The following C8orf34 variants were observed in gnomAD, a reference collection of about 807,000 sequenced individuals.
The protein encoded by C8orf34 is chromosome 8 open reading frame 34, also known as uncharacterized protein C8orf34.
A neutral mutation model predicts 68.3 loss-of-function variants in C8orf34; 65 were observed. That is an observed-to-expected ratio of 0.95 (90% CI 0.78 to 1.17). C8orf34 has a LOEUF of 1.17. C8orf34 is among the 50% of genes most tolerant of loss of function. The probability of loss-of-function intolerance (pLI) is 0.00; values close to 1 mark genes in which losing one functional copy is unlikely to be tolerated. For missense variants in C8orf34, 664 were observed against 655.4 expected (o/e 1.01, Z -0.14); for synonymous variants, 244 against 241.2 (o/e 1.01, Z -0.11).
chr8:68,480,140 T>G (rs943369250), intron 4 of C8orf34, among the ~76,000 whole-genome samples: 1 of 152,144 alleles, frequency 6.6e-6, no homozygotes, highest in Admixed American at 6.5e-5. Context: ...TTCCCACATG[T>G]TGTGGGAGGG....
chr8:68,526,933 G>A (rs192183514), intron 6 of C8orf34, among the ~76,000 whole-genome samples: 70 of 152,272 alleles, frequency 4.6e-4, no homozygotes, highest in Non-Finnish European at 7.5e-4. Context: ...GGCTCAGGAG[G>A]CTCCACCTGC....
intron 8 of C8orf34, chr8:68,695,869 C>G (rs1820817458): frequency 6.6e-6 from 1 of 152,074 alleles, no homozygotes; most frequent in African/African-American, 2.4e-5. Flanking sequence ...ATTCATTAAT[C>G]TATCATGTGT....
intron 7 of C8orf34, among the ~76,000 whole-genome samples, chr8:68,551,031 G>A (rs1816052280): frequency 6.6e-6 from 1 of 151,506 alleles, no homozygotes; most frequent in Admixed American, 6.6e-5. Context: ...TGAGCTTCTT[G>A]GATCTGTGGC....
intron 6 of C8orf34, 32 bp from the exon 7 acceptor site, chr8:68,532,951 C>G (rs369885370): frequency 4.1e-6 from 6 of 1,464,520 alleles, no homozygotes; most frequent in Non-Finnish European, 4.7e-6. Context: ...CTTTACTTAT[C>G]ACAGCTAATT....
intron 10 of C8orf34, among the ~76,000 whole-genome samples, chr8:68,768,388 A>T (rs1823242331): frequency 6.6e-6 from 1 of 152,200 alleles, no homozygotes; most frequent in Non-Finnish European, 1.5e-5. Flanking sequence ...TCTGGTCCCC[A>T]GGGCTGCTCA....
At chr8:68,464,935 C>A (rs553013852) in intron 3 of C8orf34, among the ~76,000 whole-genome samples, 101 of 151,688 alleles carry the variant, frequency 6.7e-4, no homozygotes, top group South Asian at 2.1e-3. Flanking sequence ...GCAACAAAAG[C>A]CAAAATTGAC....
intron 1 of C8orf34, among the ~76,000 whole-genome samples, chr8:68,356,299 G>A (rs1806744942): frequency 6.6e-6 from 1 of 152,044 alleles, no homozygotes; most frequent in Non-Finnish European, 1.5e-5. Context: ...CAGCTATTAA[G>A]TTCTTTGGTG....
chr8:68,534,014 A>G (rs1815360240), intron 7 of C8orf34: 1 of 960,534 alleles, frequency 1.0e-6, no homozygotes, highest in South Asian at 4.8e-5. Flanking sequence ...TACATATAGA[A>G]TATGGAATCT....
At chr8:68,704,772 A>T (rs1821116931) in intron 8 of C8orf34, among the ~76,000 whole-genome samples, 1 of 152,138 alleles carries the variant, frequency 6.6e-6, no homozygotes, top group South Asian at 2.1e-4. Flanking sequence ...AGAGGTCTTG[A>T]CATTATACTC....
intron 1 of C8orf34, among the ~76,000 whole-genome samples, chr8:68,423,888 A>G (rs1810093163): frequency 6.6e-6 from 1 of 152,192 alleles, no homozygotes; most frequent in Admixed American, 6.5e-5. Context: ...GCAATGCCAG[A>G]TGCTTTTAAA....
At chr8:68,461,304 T>A (rs2129628949) in intron 3 of C8orf34, among the ~76,000 whole-genome samples, 1 of 152,200 alleles carries the variant, frequency 6.6e-6, no homozygotes, top group South Asian at 2.1e-4. Flanking sequence ...AAAGACCAAA[T>A]CTACATCTGA....
In C8orf34 at chr8:68,331,286, C is replaced by G; in HGVS notation, c.274C>G (p.Gln92Glu). 6.5e-7 allele frequency: 1 copy of G among 1,536,502 alleles called. No individual in the cohort carries two copies. Among genetic ancestry groups the G allele is most frequent in the South Asian group, 1.2e-5 (1 of 84,066 alleles). ...SHLFPMASHP[Q>E]TRIQAYLEKN... ...TCTGTTCCCCATGGCGTCTCATCCG[C>G]AAACCCGGATCCAGGCTTACCTGGA... is the stretch of plus-strand genomic sequence containing the variant. Residue 92 changes from glutamine (Q) to glutamate (E), a missense_variant, in exon 1 of 14, where the codon CAA becomes GAA. Coordinates refer to ENST00000518698, the MANE Select transcript of C8orf34 (RefSeq NM_052958.4).
intron 7 of C8orf34, among the ~76,000 whole-genome samples, chr8:68,545,877 A>G (rs1436976025): frequency 2.0e-5 from 3 of 152,156 alleles, no homozygotes; most frequent in Non-Finnish European, 2.9e-5. Flanking sequence ...AAAAATACAA[A>G]CAATGTAGTA....
chr8:68,523,421 A>G (rs1814842060), intron 6 of C8orf34, among the ~76,000 whole-genome samples: 1 of 152,186 alleles, frequency 6.6e-6, no homozygotes, highest in Admixed American at 6.5e-5. Context: ...TCAATAAGGG[A>G]GAACCTCTTC....
intron 11 of C8orf34, among the ~76,000 whole-genome samples, chr8:68,779,114 C>G (rs548803103): frequency 1.5e-4 from 23 of 151,496 alleles, no homozygotes; most frequent in African/African-American, 5.6e-4. Context: ...GAGTTTGAGT[C>G]TGCATTGAGC....
intron 4 of C8orf34, among the ~76,000 whole-genome samples, chr8:68,471,029 G>C (rs1812357593): frequency 6.6e-6 from 1 of 152,012 alleles, no homozygotes; most frequent in Non-Finnish European, 1.5e-5. Flanking sequence ...GACAGACCTT[G>C]GTCATCAGAG....
intron 5 of C8orf34, among the ~76,000 whole-genome samples, chr8:68,512,418 A>T (rs1247052448): frequency 6.6e-6 from 1 of 152,192 alleles, no homozygotes; most frequent in Non-Finnish European, 1.5e-5. Context: ...CCTTTGAACC[A>T]TTCAAAAAGC....
intron 10 of C8orf34, among the ~76,000 whole-genome samples, chr8:68,750,665 T>A (rs543985074): frequency 1.3e-5 from 2 of 152,266 alleles, no homozygotes; most frequent in African/African-American, 4.8e-5. Flanking sequence ...AAACAGAAAG[T>A]CTAAAATCCA....
chr8:68,747,971 C>T (rs911923972), intron 10 of C8orf34, among the ~76,000 whole-genome samples: 2 of 151,892 alleles, frequency 1.3e-5, no homozygotes, highest in Non-Finnish European at 2.9e-5. Flanking sequence ...CATCACACTA[C>T]CTGACTTCAA....
Sources: gnomAD v4.1 joint callset for allele counts (sites outside exome capture counted in the v4.1 genomes callset) on GRCh38, gnomAD v4.1.1 for gene constraint, MANE v1.5 for transcripts, NCBI Gene and HGNC (gene_info 2026-07-23, HGNC 2026-07-21) for gene names.